The following BBIP1 variants were observed in gnomAD, a reference collection of about 807,000 sequenced individuals.
BBIP1 encodes BBSome-interacting protein 1.
Under a neutral mutation model 8.9 loss-of-function variants are expected in BBIP1, and 6 were observed. The observed-to-expected ratio is 0.67, with a 90% CI of 0.37 to 1.33. The LOEUF is 1.33. Among genes scored for constraint, BBIP1 ranks in the 40% most tolerant of loss-of-function variants. BBIP1 has a pLI of 0.02. For missense variants in BBIP1, 111 were observed against 109.2 expected (o/e 1.02, Z -0.07); for synonymous variants, 32 against 33.4 (o/e 0.96, Z 0.14).
At chr10:110,910,382 G>A (rs562908546) in intron 2 of BBIP1, among the ~76,000 whole-genome samples, 104 of 152,316 alleles carry the variant, frequency 6.8e-4, no homozygotes, top group African/African-American at 2.4e-3. Context: ...AGTCTGCAAC[G>A]CTGAATTTGG....
intron 2 of BBIP1, among the ~76,000 whole-genome samples, chr10:110,917,593 C>T (rs1375649134): frequency 6.6e-6 from 1 of 152,070 alleles, no homozygotes; most frequent in Non-Finnish European, 1.5e-5. Flanking sequence ...ACAGGGGAAA[C>T]GTAAAACAAA....
At chr10:110,901,282 TA>T (rs753302558) in intron 3 of BBIP1, 30 of 461,310 alleles carry the variant, frequency 6.5e-5, no homozygotes, top group African/African-American at 1.2e-4. Context: ...ACCTGTCTCT[TA>T]AAAAAAATTC....
chr10:110,907,459 G>T, intron 2 of BBIP1: 1 of 349,608 alleles, frequency 2.9e-6, no homozygotes, highest in Non-Finnish European at 5.1e-6. Context: ...GTTGCAGTGA[G>T]ATATGATCAC....
At chr10:110,903,695 C>T (rs1846061812) in intron 2 of BBIP1, 1 of 152,262 alleles carries the variant, frequency 6.6e-6, no homozygotes, top group Non-Finnish European at 1.5e-5. Context: ...ATGGTGCAAA[C>T]ATCCTAAGAG....
chr10:110,916,390 AG>A (rs1387479525), intron 2 of BBIP1, among the ~76,000 whole-genome samples: 1 of 152,216 alleles, frequency 6.6e-6, no homozygotes, highest in Non-Finnish European at 1.5e-5. Flanking sequence ...CTTTGTGATT[AG>A]GAAGTAAATT....
At chr10:110,917,129 AG>A (rs1185791343) in intron 2 of BBIP1, among the ~76,000 whole-genome samples, 10 of 151,412 alleles carry the variant, frequency 6.6e-5, no homozygotes, top group Non-Finnish European at 1.5e-4. Context: ...CCAATGTCAC[AG>A]GGGGAAAAAA....
chr10:110,914,967 C>T (rs1212740957), intron 2 of BBIP1, among the ~76,000 whole-genome samples: 3 of 152,180 alleles, frequency 2.0e-5, no homozygotes. Flanking sequence ...AGTATTTGCT[C>T]AGCACCTGAG....
In BBIP1 at chr10:110,908,859, T is replaced by C. The variant is rs188263261; in HGVS notation, c.38-7247A>G. 4.4e-3 allele frequency among the ~76,000 whole-genome samples: 667 copies of C among 151,280 alleles called. 1 individual carries two copies. The highest frequency in any genetic ancestry group is 7.4e-3 in the Non-Finnish European group (501 of 67,862). On this transcript the variant is annotated intron_variant, in intron 2 of 3. Transcript: ENST00000448814. ...AAACCCTAACCAAACTGCAATCAAA[T>C]TGATTTTGAAGGAAATAAGGAGAAC...
At chr10:110,909,118 T>C (rs1250447386) in intron 2 of BBIP1, among the ~76,000 whole-genome samples, 3 of 152,108 alleles carry the variant, frequency 2.0e-5, no homozygotes, top group Non-Finnish European at 4.4e-5. Context: ...CAACAGATTT[T>C]CCATTAATCA....
In BBIP1 at chr10:110,899,643, C is replaced by G. The variant is rs1045735530; in HGVS notation, c.*717G>C. ...AGAAACCCTGTCTCTATTAAAAATACAAAAGTAGCCAGGCATGGTGGCGCA... is the reference window on the plus strand; with the variant it reads ...AGAAACCCTGTCTCTATTAAAAATAGAAAAGTAGCCAGGCATGGTGGCGCA... On this transcript the variant is annotated 3_prime_UTR_variant, in exon 4 of 4. Coordinates refer to ENST00000448814, the MANE Select transcript of BBIP1 (RefSeq NM_001195305.3). The G allele has an allele frequency of 6.6e-6, 1 of 152,056 alleles. No individual in the cohort carries two copies. The highest frequency in any genetic ancestry group is 1.5e-5 in the Non-Finnish European group (1 of 68,032). 9.4% of individuals were successfully genotyped at this position (152,056 alleles called of 1,614,324 possible). A position where few individuals can be genotyped will look rare whatever the true frequency, so the allele number is the denominator to read the frequency against.
intron 2 of BBIP1, chr10:110,911,737 A>C (rs958849905): frequency 3.3e-5 from 5 of 152,046 alleles, no homozygotes; most frequent in Admixed American, 6.5e-5. Context: ...AAGAAACAGG[A>C]TTTGAACTCG....
At chr10:110,917,844 A>C in intron 2 of BBIP1, 1 of 500,158 alleles carries the variant, frequency 2.0e-6, no homozygotes, top group Non-Finnish European at 3.6e-6. Flanking sequence ...TATATATAAC[A>C]TACTGATTGT....
chr10:110,907,536 GAAAA>G (rs1414337238), intron 2 of BBIP1: 3 of 454,616 alleles, frequency 6.6e-6, no homozygotes, highest in South Asian at 4.0e-5. Context: ...AAAAAGAAAA[GAAAA>G]GAAAGAAAAA....
At position 110,900,330 on chromosome 10, in the gene BBIP1, A is replaced by G. The variant is rs890360765; in HGVS notation, c.*30T>C. On this transcript the variant is annotated 3_prime_UTR_variant, in exon 4 of 4. Coordinates refer to ENST00000448814, the MANE Select transcript of BBIP1 (RefSeq NM_001195305.3). ...GTTATTGTTAAATAGTAGATAAGGC[A>G]GGTTGTTCCCTAAAGTGCTCAGTTA... 3.3e-6 allele frequency: 5 copies of G among 1,512,490 alleles called. No homozygotes were observed. The highest frequency in any genetic ancestry group is 1.4e-5 in the African/African-American group (1 of 72,050). The allele number at this position is 1,512,490 out of a possible 1,614,324, so 93.7% of individuals were successfully genotyped here.
intron 2 of BBIP1, among the ~76,000 whole-genome samples, chr10:110,909,205 T>A (rs1846213718): frequency 1.4e-5 from 1 of 72,436 alleles, no homozygotes; most frequent in African/African-American, 3.1e-5. Flanking sequence ...AAAGTTGGCC[T>A]TTTTTTTTTT....
chr10:110,902,131 ATGAC>A (rs988311681), intron 2 of BBIP1: 1 of 156,748 alleles, frequency 6.4e-6, no homozygotes, highest in Non-Finnish European at 1.4e-5. Context: ...AATCCTATGG[ATGAC>A]TGACTACACA....
chr10:110,912,478 G>C (rs1199042155), intron 2 of BBIP1, among the ~76,000 whole-genome samples: 1 of 152,164 alleles, frequency 6.6e-6, no homozygotes, highest in African/African-American at 2.4e-5. Flanking sequence ...AGGGCAATTA[G>C]CTTTAGACTG....
rs924003634 is a variant in BBIP1 at position 110,900,709 on chromosome 10, T to C, written c.113-183A>G. On this transcript the variant is annotated intron_variant, in intron 3 of 3. Coordinates refer to ENST00000448814, the MANE Select transcript of BBIP1 (RefSeq NM_001195305.3). Reference sequence around the variant, plus strand: ...GTCATTCTATAAGCGCATTTCTTACTAGTAGGGTGCTTCTGAGGAAGACAA... The same window carrying C: ...GTCATTCTATAAGCGCATTTCTTACCAGTAGGGTGCTTCTGAGGAAGACAA... 1.1e-4 allele frequency: 57 copies of C among 540,702 alleles called. No homozygotes were observed. The South Asian group carries it at 1.1e-3, about 11-fold the overall frequency. 33.5% of individuals were successfully genotyped at this position (540,702 alleles called of 1,614,324 possible).
intron 3 of BBIP1, chr10:110,901,298 T>C (rs986802659): frequency 4.0e-6 from 2 of 504,686 alleles, no homozygotes; most frequent in Admixed American, 6.5e-5. Flanking sequence ...AAATTCATAT[T>C]GTAATTAGGA....
Sources: gnomAD v4.1 joint callset for allele counts (sites outside exome capture counted in the v4.1 genomes callset) on GRCh38, gnomAD v4.1.1 for gene constraint, MANE v1.5 for transcripts, NCBI Gene and HGNC (gene_info 2026-07-23, HGNC 2026-07-21) for gene names.